Variants in PPP3CA observed in about 807,000 individuals in gnomAD.
PPP3CA encodes protein phosphatase 3 catalytic subunit alpha.
In PPP3CA, 14 loss-of-function variants were observed where a neutral mutation model predicts 66.5. The ratio of observed to expected loss-of-function variants is 0.21; its 90% CI spans 0.14 to 0.33. The LOEUF (loss-of-function observed/expected upper bound fraction) is 0.33. Among genes scored for constraint, PPP3CA ranks in the 10% least tolerant of loss-of-function variants. PPP3CA has a pLI of 1.00. For missense variants in PPP3CA, 317 were observed against 639.5 expected (o/e 0.50, Z 5.44); for synonymous variants, 232 against 226.2 (o/e 1.03, Z -0.23).
At position 101,346,757 on chromosome 4, in the gene PPP3CA, T is replaced by C. The variant is rs1232030786; in HGVS notation, c.40A>G (p.Thr14Ala). The stretch of plus-strand genomic sequence containing the variant: ...CGCTTACCTTTCACCACCCTGTCGG[T>C]CGTCGACAACTTGGGATCAATTGCC... Reference protein sequence around the residue: ...PKAIDPKLSTTDRVVKAVPFP... With the variant: ...PKAIDPKLSTADRVVKAVPFP... The change falls in exon 1 of 14, where the codon ACC (threonine) becomes GCC (alanine). Residue 14 changes from threonine (T) to alanine (A), a missense_variant. Physicochemically the swap from Thr to Ala is moderately conservative, Grantham distance 58 (BLOSUM62 0). Around this residue, in one of 3 missense-constraint regions of PPP3CA, gnomAD observed 76 missense variants for 99.5 expected, o/e 0.76. Transcript: ENST00000394854. 6.2e-7 allele frequency: 1 copy of C among 1,611,676 alleles called. No homozygotes were observed. Among genetic ancestry groups the C allele is most frequent in the Non-Finnish European group, 8.5e-7 (1 of 1,179,244 alleles).
chr4:101,311,957 G>A (rs547133355), intron 1 of PPP3CA, among the ~76,000 whole-genome samples: 1 of 152,098 alleles, frequency 6.6e-6, no homozygotes, highest in Non-Finnish European at 1.5e-5. Flanking sequence ...TATCCAGGCT[G>A]AACTCTCTAA....
At chr4:101,099,537 A>G in intron 4 of PPP3CA, 74 bp downstream of exon 4, 1 of 763,634 alleles carries the variant, frequency 1.3e-6, no homozygotes, top group Non-Finnish European at 2.1e-6. Context: ...ATCATATTGT[A>G]TGTATCTTAT....
At position 101,127,230 on chromosome 4, in the gene PPP3CA, T is replaced by C. The variant is rs181252495; in HGVS notation, c.260-18152A>G. Among the ~76,000 whole-genome samples the C allele has an allele frequency of 1.1e-3, 162 of 152,060 alleles. 2 individuals carry two copies. The highest frequency in any genetic ancestry group is 8.3e-3 in the South Asian group (40 of 4,812). ...TCTGCTTGCTTCTGGTACATCCAGT[T>C]CCTCTACTTTGAATGTCTCTGTTCT... On this transcript the variant is annotated intron_variant, in intron 2 of 13. Transcript: ENST00000394854.
At chr4:101,286,252 C>G (rs1053086743) in intron 1 of PPP3CA, among the ~76,000 whole-genome samples, 3 of 152,184 alleles carry the variant, frequency 2.0e-5, no homozygotes, top group Non-Finnish European at 4.4e-5. Flanking sequence ...GCCCAGGTTC[C>G]TAACAGGCCA....
chr4:101,096,893 TTCA>T (rs3842503), intron 5 of PPP3CA, among the ~76,000 whole-genome samples: 10,579 of 152,134 alleles, frequency 0.07, 498 homozygotes, highest in South Asian at 0.22. Flanking sequence ...CTTGCAAATG[TTCA>T]TCATATAGAC....
chr4:101,248,544 T>C (rs1726565007), intron 1 of PPP3CA, among the ~76,000 whole-genome samples: 1 of 152,186 alleles, frequency 6.6e-6, no homozygotes, highest in African/African-American at 2.4e-5. Flanking sequence ...AATTCCACTA[T>C]AAATTCAACT....
intron 1 of PPP3CA, among the ~76,000 whole-genome samples, chr4:101,210,177 G>A (rs528970995): frequency 4.6e-5 from 7 of 152,114 alleles, no homozygotes; most frequent in Admixed American, 1.3e-4. Flanking sequence ...CAGTTACCCC[G>A]TCTGGATTAT....
intron 1 of PPP3CA, among the ~76,000 whole-genome samples, chr4:101,335,527 G>A (rs1457063914): frequency 1.4e-5 from 2 of 147,472 alleles, no homozygotes; most frequent in Admixed American, 6.6e-5. Context: ...CTGTTAAAAC[G>A]CGTCTGCTAT....
At position 101,049,965 on chromosome 4, in the gene PPP3CA, A is replaced by G. The variant is rs1401650300; in HGVS notation, c.1157-9399T>C. Among the ~76,000 whole-genome samples, 3 of 152,062 alleles carry G rather than the reference A, an allele frequency of 2.0e-5. No homozygotes were observed. In the East Asian group the frequency reaches 5.8e-4, roughly 29 times the overall value. On this transcript the variant is annotated intron_variant, in intron 10 of 13. Transcript: ENST00000394854. ...AGAAGTCATTCAAAGGTCTTTTGCT[A>G]TTCACAATTCAGGCACGGTGTTTTG...
intron 2 of PPP3CA, among the ~76,000 whole-genome samples, chr4:101,132,002 C>G (rs28808636): frequency 0.016 from 2,370 of 152,172 alleles, 60 homozygotes; most frequent in African/African-American, 0.054. Flanking sequence ...CCTGAATGAC[C>G]ACTGGGTAAA....
rs1383527976 is a variant in PPP3CA, at chr4:101,106,433, GA to G, written c.384+2520del. On this transcript the variant is annotated intron_variant, in intron 3 of 13. Transcript: ENST00000394854. ...AGAAAGAAAGAAAGAAAGAAAGAAAGAAAGAAAGAAAGAAAGAAAGAGAAAA... is the reference window on the plus strand; with the variant it reads ...AGAAAGAAAGAAAGAAAGAAAGAAAGAAGAAAGAAAGAAAGAAAGAGAAAA... Among the ~76,000 whole-genome samples the G allele has an allele frequency of 6.0e-4, 7 of 11,708 alleles. 1 individual carries two copies. The highest frequency in any genetic ancestry group is 1.2e-3 in the Admixed American group (1 of 812). 7.7% of individuals were successfully genotyped at this position (11,708 alleles called of 152,430 possible).
intron 1 of PPP3CA, among the ~76,000 whole-genome samples, chr4:101,290,402 T>C (rs960865615): frequency 5.9e-5 from 9 of 152,210 alleles, no homozygotes; most frequent in African/African-American, 2.2e-4. Flanking sequence ...CCCATCACCA[T>C]GTTTTATTTT....
At chr4:101,284,347 G>C (rs1727771181) in intron 1 of PPP3CA, among the ~76,000 whole-genome samples, 1 of 151,892 alleles carries the variant, frequency 6.6e-6, no homozygotes, top group Non-Finnish European at 1.5e-5. Context: ...ACACCTCCTG[G>C]GTCACAGAAT....
intron 1 of PPP3CA, among the ~76,000 whole-genome samples, chr4:101,262,634 G>T (rs896266727): frequency 6.6e-6 from 1 of 152,114 alleles, no homozygotes; most frequent in Admixed American, 6.6e-5. Flanking sequence ...AACACATGAA[G>T]TTAGGTGGAC....
intron 1 of PPP3CA, 51 bp downstream of exon 1, chr4:101,346,688 C>G: frequency 6.5e-7 from 1 of 1,540,858 alleles, no homozygotes; most frequent in Non-Finnish European, 8.9e-7. Context: ...GCAAGCTGCC[C>G]TGGCGCCTGC....
chr4:101,087,233 C>T (rs547780751), intron 6 of PPP3CA, among the ~76,000 whole-genome samples: 9 of 152,154 alleles, frequency 5.9e-5, no homozygotes, highest in Non-Finnish European at 1.3e-4. Context: ...TCATTTTTGT[C>T]CAATGGGGAT....
intron 4 of PPP3CA, 130 bp from the exon 5 acceptor site, chr4:101,098,642 C>A: frequency 1.4e-6 from 1 of 711,414 alleles, no homozygotes; most frequent in Non-Finnish European, 2.2e-6. Context: ...CTACAAAATT[C>A]CAAAACATAA....
chr4:101,251,143 G>A (rs1401285303), intron 1 of PPP3CA, among the ~76,000 whole-genome samples: 1 of 151,660 alleles, frequency 6.6e-6, no homozygotes, highest in Non-Finnish European at 1.5e-5. Context: ...GATATTCTTA[G>A]CTCTCATGGG....
In PPP3CA at chr4:101,083,170, G is replaced by A. The variant is rs1729514440; in HGVS notation, c.860+16C>T. On this transcript the variant is annotated intron_variant, in intron 7 of 13. Coordinates refer to ENST00000394854, the MANE Select transcript of PPP3CA (RefSeq NM_000944.5). The stretch of plus-strand genomic sequence containing the variant: ...TGGACAATGCATGGTTTTTATAAAT[G>A]CTCAAAACTGCTCACCCTGCATCTT... The A allele has an allele frequency of 2.1e-6, 3 of 1,453,968 alleles. No homozygotes were observed. Among genetic ancestry groups the A allele is most frequent in the Admixed American group, 2.3e-5 (1 of 43,016 alleles). 90.1% of individuals were successfully genotyped at this position (1,453,968 alleles called of 1,614,324 possible). A position where few individuals can be genotyped will look rare whatever the true frequency, so the allele number is the denominator to read the frequency against.
Sources: gnomAD v4.1 joint callset for allele counts (sites outside exome capture counted in the v4.1 genomes callset) on GRCh38, gnomAD v4.1.1 for gene constraint, gnomAD v4.1.1 regional missense constraint, MANE v1.5 for transcripts, NCBI Gene and HGNC (gene_info 2026-07-23, HGNC 2026-07-21) for gene names.